Variants in USP45 observed in about 807,000 individuals in gnomAD.
USP45 encodes the protein ubiquitin specific peptidase 45.
USP45 carries 89 observed loss-of-function variants against 95.8 expected under a neutral mutation model. The ratio of observed to expected loss-of-function variants is 0.93; its 90% CI spans 0.78 to 1.11. USP45 has a LOEUF of 1.11. USP45 is among the 50% of genes least tolerant of loss of function. The pLI is 0.00. For missense variants in USP45, 898 were observed against 942.5 expected (o/e 0.95, Z 0.62); for synonymous variants, 281 against 316.2 (o/e 0.89, Z 1.18).
intron 13 of USP45, among the ~76,000 whole-genome samples, chr6:99,449,077 T>C (rs1256452943): frequency 6.6e-6 from 1 of 152,204 alleles, no homozygotes; most frequent in East Asian, 1.9e-4. Flanking sequence ...CATGCCAAAC[T>C]GTAAAGACCA....
intron 13 of USP45, among the ~76,000 whole-genome samples, chr6:99,457,730 C>T (rs1053355666): frequency 3.3e-5 from 5 of 152,198 alleles, no homozygotes; most frequent in African/African-American, 1.2e-4. Context: ...ATCAGACTCA[C>T]CTAAGAGGGC....
chr6:99,490,336 G>GT (rs896834049), intron 5 of USP45, among the ~76,000 whole-genome samples: 1 of 150,522 alleles, frequency 6.6e-6, no homozygotes, highest in African/African-American at 2.4e-5. Flanking sequence ...GCTAATTTTT[G>GT]TATTTTTTTT....
rs774409625 is a variant in USP45, at chr6:99,508,791, G to C, written c.101-9C>G. ...TTGGCAAGTTAAACCTACTGAATAA[G>C]ATAAAACAAAATCTCAACATTTTCT... On this transcript the variant is annotated splice_polypyrimidine_tract_variant and intron_variant, in intron 2 of 17. Coordinates refer to ENST00000500704, the MANE Select transcript of USP45 (RefSeq NM_001346022.3). 6.3e-7 allele frequency: 1 copy of C among 1,597,470 alleles called. No individual in the cohort carries two copies. Among genetic ancestry groups the C allele is most frequent in the Non-Finnish European group, 8.5e-7 (1 of 1,173,020 alleles).
chr6:99,461,998 T>A (rs988133328), intron 13 of USP45: 6 of 984,258 alleles, frequency 6.1e-6, no homozygotes, highest in Non-Finnish European at 7.2e-6. Flanking sequence ...TCCTAATGAC[T>A]GAAATACATT....
At chr6:99,489,149 G>C (rs889938421) in intron 5 of USP45, among the ~76,000 whole-genome samples, 2 of 152,084 alleles carry the variant, frequency 1.3e-5, no homozygotes, top group South Asian at 4.1e-4. Flanking sequence ...AAAGAAATAA[G>C]GACGTCTAGG....
intron 13 of USP45, chr6:99,461,190 A>T: frequency 5.1e-6 from 5 of 985,374 alleles, no homozygotes; most frequent in Non-Finnish European, 6.0e-6. Context: ...TTTCTGAACT[A>T]ATGAGCTGAG....
At chr6:99,478,858 A>G (rs1445900195) in intron 8 of USP45, among the ~76,000 whole-genome samples, 1 of 152,228 alleles carries the variant, frequency 6.6e-6, no homozygotes, top group African/African-American at 2.4e-5. Flanking sequence ...AATCACCACT[A>G]TAACAGAAAC....
At position 99,488,253 on chromosome 6, in the gene USP45, T is replaced by C; in HGVS notation, c.661A>G (p.Ile221Val). ...TYTLTDLMNE[I>V]KESSTKLKIF... ...TTGAGTTTTGTACTACTTTCTTTGA[T>C]CTCATTCATCAGATCAGTAAGAGTA... Residue 221 changes from isoleucine to valine, a missense_variant, in exon 7 of 18, where the codon ATC (isoleucine) becomes GTC (valine). Transcript: ENST00000500704. 1 of 1,612,538 alleles carries C rather than the reference T, an allele frequency of 6.2e-7. No individual in the cohort carries two copies. Among genetic ancestry groups the C allele is most frequent in the Non-Finnish European group, 8.5e-7 (1 of 1,179,522 alleles).
At chr6:99,462,134 C>T in intron 13 of USP45, 6 of 983,372 alleles carry the variant, frequency 6.1e-6, no homozygotes, top group Non-Finnish European at 7.2e-6. Flanking sequence ...AAAAAGGTAA[C>T]TCTATTACAT....
chr6:99,482,717 C>T (rs117666915), intron 8 of USP45, 36 bp downstream of exon 8: 31,938 of 1,550,900 alleles, frequency 0.021, 422 homozygotes, highest in Non-Finnish European at 0.025. Context: ...TATTTTGTAA[C>T]TCATAATTAT....
chr6:99,468,449 G>C, intron 10 of USP45, 88 bp downstream of exon 10: 1 of 893,480 alleles, frequency 1.1e-6, no homozygotes, highest in Non-Finnish European at 1.7e-6. Flanking sequence ...TGGTGGATTA[G>C]TTCACATAAT....
intron 13 of USP45, among the ~76,000 whole-genome samples, chr6:99,463,101 T>G (rs190746418): frequency 9.8e-5 from 15 of 152,328 alleles, no homozygotes; most frequent in Admixed American, 9.2e-4. Flanking sequence ...TCAGATTGAT[T>G]TCTTTCCATT....
At chr6:99,497,999 C>T (rs780218280) in intron 5 of USP45, among the ~76,000 whole-genome samples, 24 of 152,162 alleles carry the variant, frequency 1.6e-4, no homozygotes, top group African/African-American at 3.9e-4. Flanking sequence ...CTCCTCCAGT[C>T]GAATGTTAGG....
At chr6:99,481,190 A>G (rs1792315538) in intron 8 of USP45, among the ~76,000 whole-genome samples, 1 of 152,244 alleles carries the variant, frequency 6.6e-6, no homozygotes, top group Non-Finnish European at 1.5e-5. Flanking sequence ...AGTACAGTGT[A>G]TTCATACAAA....
intron 5 of USP45, among the ~76,000 whole-genome samples, chr6:99,490,445 G>A (rs1794917732): frequency 6.6e-6 from 1 of 151,838 alleles, no homozygotes; most frequent in Non-Finnish European, 1.5e-5. Context: ...CTCCCAAAGT[G>A]CTGGAATTAC....
At chr6:99,472,991 C>T (rs553501376) in intron 9 of USP45, among the ~76,000 whole-genome samples, 115 of 151,810 alleles carry the variant, frequency 7.6e-4, no homozygotes, top group Non-Finnish European at 1.1e-3. Context: ...TAGGGGACTA[C>T]GCTAATATCC....
intron 8 of USP45, among the ~76,000 whole-genome samples, chr6:99,477,271 C>A (rs1791100369): frequency 6.6e-6 from 1 of 152,148 alleles, no homozygotes; most frequent in African/African-American, 2.4e-5. Flanking sequence ...GGTCTTTTGA[C>A]AGAGTGCAGT....
chr6:99,468,278 C>T (rs540452591), intron 10 of USP45: 10 of 507,532 alleles, frequency 2.0e-5, no homozygotes, highest in South Asian at 1.6e-4. Context: ...TTTCAAGTTT[C>T]CCTTAGAAGA....
intron 13 of USP45, chr6:99,462,486 G>A: frequency 1.0e-6 from 1 of 984,374 alleles, no homozygotes; most frequent in Non-Finnish European, 1.2e-6. Context: ...TGCTTTTTAG[G>A]GGAATAGCAA....
Sources: gnomAD v4.1 joint callset for allele counts (sites outside exome capture counted in the v4.1 genomes callset) on GRCh38, gnomAD v4.1.1 for gene constraint, MANE v1.5 for transcripts, NCBI Gene and HGNC (gene_info 2026-07-23, HGNC 2026-07-21) for gene names.